Variants in PTK2B observed in about 807,000 individuals in gnomAD.
PTK2B encodes the protein protein tyrosine kinase 2 beta, also known as protein-tyrosine kinase 2-beta.
PTK2B carries 71 observed loss-of-function variants against 142.9 expected under a neutral mutation model. The observed-to-expected ratio is 0.50, with a 90% CI of 0.41 to 0.61. PTK2B has a LOEUF of 0.61. Ranked by LOEUF, PTK2B falls within the 20% of genes least tolerant of loss-of-function variation. PTK2B has a pLI of 0.00. For synonymous variants in PTK2B, 519 were observed against 503.4 expected, an observed-to-expected ratio of 1.03 and a Z score of -0.42; for missense variants, 1,105 against 1,320.4, an observed-to-expected ratio of 0.84 and a Z score of 2.53.
rs755250707 is a variant in PTK2B at position 27,437,824 on chromosome 8, C to T, written c.1587C>T (p.Tyr529=). 3 of 1,613,732 alleles carry T rather than the reference C, an allele frequency of 1.9e-6. No individual in the cohort carries two copies. The highest frequency in any genetic ancestry group is 4.5e-5 in the East Asian group (2 of 44,868). Residue 529 remains tyrosine, a synonymous_variant, in exon 18 of 31, where the codon TAC becomes TAT. Transcript: ENST00000346049. ...TGAAGGTGCTCACCCTCGTGCTGTA[C>T]TCACTGCAGATATGCAAAGCCATGG... The part of the protein sequence containing the change: ...NSLKVLTLVL[Y]SLQICKAMAY...
chr8:27,362,080 A>G (rs1374411409), intron 1 of PTK2B, among the ~76,000 whole-genome samples: 1 of 152,168 alleles, frequency 6.6e-6, no homozygotes, highest in Non-Finnish European at 1.5e-5. Context: ...TCTTCCTTTT[A>G]TGGACACAAA....
At chr8:27,391,971 C>T (rs748928088) in intron 1 of PTK2B, among the ~76,000 whole-genome samples, 1 of 152,152 alleles carries the variant, frequency 6.6e-6, no homozygotes, top group East Asian at 1.9e-4. Flanking sequence ...TCTGCTCCGA[C>T]GGTCTGGGGC....
In PTK2B at chr8:27,403,772, C is replaced by G. The variant is rs192640304; in HGVS notation, c.204+5984C>G. On this transcript the variant is annotated intron_variant, in intron 2 of 30. Transcript: ENST00000346049. Reference sequence around the variant, plus strand: ...TCTTGCTGCTGCTGCTGCTGCTGCTCCTCCTCCTCCTCCTCTTCTTCTTTC... The same window carrying G: ...TCTTGCTGCTGCTGCTGCTGCTGCTGCTCCTCCTCCTCCTCTTCTTCTTTC... 6.8e-3 allele frequency among the ~76,000 whole-genome samples: 1,021 copies of G among 149,638 alleles called. 16 individuals carry two copies. The highest frequency in any genetic ancestry group is 0.023 in the African/African-American group (949 of 40,962).
intron 21 of PTK2B, 44 bp downstream of exon 21, chr8:27,440,485 G>A: frequency 1.3e-6 from 2 of 1,585,030 alleles, no homozygotes; most frequent in Non-Finnish European, 1.7e-6. Context: ...CCACCCGGCT[G>A]CACCAGGGAG....
chr8:27,432,999 G>T (rs1000636768), intron 10 of PTK2B, among the ~76,000 whole-genome samples: 11 of 152,076 alleles, frequency 7.2e-5, no homozygotes, highest in African/African-American at 2.7e-4. Context: ...ACTAATTTTT[G>T]TACTTTTAGT....
chr8:27,455,367 C>A (rs1207709451), intron 30 of PTK2B, among the ~76,000 whole-genome samples: 1 of 152,094 alleles, frequency 6.6e-6, no homozygotes, highest in East Asian at 1.9e-4. Context: ...AGTTTGAGAC[C>A]AGCCTGGTCA....
chr8:27,345,996 A>C (rs1251914084), intron 1 of PTK2B, among the ~76,000 whole-genome samples: 8 of 152,102 alleles, frequency 5.3e-5, no homozygotes, highest in African/African-American at 1.7e-4. Context: ...CTTGCTCCCC[A>C]AAAAAAGATT....
At chr8:27,352,101 G>C (rs1187879770) in intron 1 of PTK2B, among the ~76,000 whole-genome samples, 2 of 152,210 alleles carry the variant, frequency 1.3e-5, no homozygotes. Flanking sequence ...CGGCGGGGGG[G>C]CTGCCTGTCC....
chr8:27,430,790 T>G (rs1429521387), intron 7 of PTK2B, 86 bp from the exon 8 acceptor site: 1 of 1,517,180 alleles, frequency 6.6e-7, no homozygotes, highest in East Asian at 2.3e-5. Flanking sequence ...TTTCGAGCAG[T>G]GGGCAGTCTC....
Position 27,444,191 on chromosome 8 carries a change from G to A in PTK2B, c.2149-15G>A. The A allele has an allele frequency of 1.2e-6, 2 of 1,608,352 alleles. No homozygotes were observed. The highest frequency in any genetic ancestry group is 1.7e-6 in the Non-Finnish European group (2 of 1,174,830). Reference sequence around the variant, plus strand: ...GAGAGGGACAGAGACTGACCCATCTGTGTTCTCTCTCCAGCCCAGCCGACC... The same window carrying A: ...GAGAGGGACAGAGACTGACCCATCTATGTTCTCTCTCCAGCCCAGCCGACC... On this transcript the variant is annotated splice_polypyrimidine_tract_variant and intron_variant, in intron 22 of 30. Transcript: ENST00000346049.
In PTK2B at chr8:27,432,371, TCTGGGCA is replaced by T. The variant is rs1810490112; in HGVS notation, c.987+19_987+25del. 6.2e-7 allele frequency: 1 copy of T among 1,611,782 alleles called. No homozygotes were observed. Among genetic ancestry groups the T allele is most frequent in the Non-Finnish European group, 8.5e-7 (1 of 1,178,686 alleles). ...TGAAGGTGCCCCCCAGGTGAGTGTC[TCTGGGCA>T]CTGGGCACCTGGCAGCTCTGCAGGG... On this transcript the variant is annotated intron_variant, in intron 10 of 30. Coordinates refer to ENST00000346049, the MANE Select transcript of PTK2B (RefSeq NM_173176.3).
intron 12 of PTK2B, 76 bp from the exon 13 acceptor site, chr8:27,434,437 G>A: frequency 6.9e-7 from 1 of 1,458,082 alleles, no homozygotes; most frequent in Non-Finnish European, 9.3e-7. Flanking sequence ...CAGGAGGAGA[G>A]GGCGGGCCGA....
intron 3 of PTK2B, among the ~76,000 whole-genome samples, chr8:27,319,550 A>T (rs1803165076): frequency 6.6e-6 from 1 of 151,134 alleles, no homozygotes; most frequent in Non-Finnish European, 1.5e-5. Context: ...AGGCTGAGAC[A>T]GGAGAATGGC....
chr8:27,344,828 C>T (rs1804619563), intron 1 of PTK2B, among the ~76,000 whole-genome samples: 1 of 152,126 alleles, frequency 6.6e-6, no homozygotes, highest in South Asian at 2.1e-4. Flanking sequence ...TCAGACCATA[C>T]AGAACACTTA....
At position 27,336,683 on chromosome 8, in the gene PTK2B, A is replaced by C. The variant is rs1054156498; in HGVS notation, c.-38+11002A>C. On this transcript the variant is annotated intron_variant, in intron 1 of 30. Transcript: ENST00000346049. Reference sequence around the variant, plus strand: ...CCCCAACTCTCCCAGTTTAGGAAACATTGTAACTGTTCACTCCCATCTCTG... The same window carrying C: ...CCCCAACTCTCCCAGTTTAGGAAACCTTGTAACTGTTCACTCCCATCTCTG... 3.3e-5 allele frequency among the ~76,000 whole-genome samples: 5 copies of C among 152,226 alleles called. No homozygotes were observed. The South Asian group carries it at 1.0e-3, about 31-fold the overall frequency.
At chr8:27,406,290 C>T (rs1303938049) in intron 2 of PTK2B, among the ~76,000 whole-genome samples, 1 of 151,976 alleles carries the variant, frequency 6.6e-6, no homozygotes, top group Non-Finnish European at 1.5e-5. Flanking sequence ...TTGCAAAGCC[C>T]CCCATTTTTT....
intron 24 of PTK2B, among the ~76,000 whole-genome samples, 179 bp from the exon 25 acceptor site, chr8:27,450,570 C>T (rs916721363): frequency 2.0e-5 from 3 of 152,128 alleles, no homozygotes; most frequent in African/African-American, 7.2e-5. Flanking sequence ...ATGCTCGGGG[C>T]TGATACTGGA....
chr8:27,420,768 C>A, intron 4 of PTK2B, 24 bp downstream of exon 4: 1 of 1,573,378 alleles, frequency 6.4e-7, no homozygotes. Context: ...TATCTTCTTG[C>A]CCCGAGGCTC....
At chr8:27,328,564 CTTGGA>C (rs1021539637) in intron 1 of PTK2B, among the ~76,000 whole-genome samples, 4 of 152,166 alleles carry the variant, frequency 2.6e-5, no homozygotes, top group African/African-American at 9.7e-5. Flanking sequence ...TCCCCAGGCC[CTTGGA>C]TTGTTTGCCC....
Sources: gnomAD v4.1 joint callset for allele counts (sites outside exome capture counted in the v4.1 genomes callset) on GRCh38, gnomAD v4.1.1 for gene constraint, MANE v1.5 for transcripts, NCBI Gene and HGNC (gene_info 2026-07-23, HGNC 2026-07-21) for gene names.